Variants in LMAN2 observed in about 807,000 individuals in gnomAD.
The protein encoded by LMAN2 is lectin, mannose binding 2, also known as vesicular integral-membrane protein VIP36.
Under a neutral mutation model 39.3 loss-of-function variants are expected in LMAN2, and 22 were observed. The ratio of observed to expected loss-of-function variants is 0.56; its 90% confidence interval spans 0.40 to 0.80. The LOEUF (loss-of-function observed/expected upper bound fraction) is 0.80. Among genes scored for constraint, LMAN2 ranks in the 30% least tolerant of loss-of-function variants. LMAN2 has a pLI of 0.00. For synonymous variants in LMAN2, 207 were observed against 207.8 expected (o/e 1.00, Z 0.03); for missense variants, 494 against 505.4 (o/e 0.98, Z 0.22).
chr5:177,348,453 G>A (rs748798426), intron 2 of LMAN2, among the ~76,000 whole-genome samples: 4 of 152,068 alleles, frequency 2.6e-5, no homozygotes, highest in Non-Finnish European at 4.4e-5. Flanking sequence ...TTGGGAGGCC[G>A]AGGTGGGCAG....
intron 2 of LMAN2, among the ~76,000 whole-genome samples, chr5:177,341,545 C>T (rs1413237568): frequency 6.6e-6 from 1 of 152,162 alleles, no homozygotes; most frequent in Non-Finnish European, 1.5e-5. Context: ...ATTCTATACT[C>T]AGCAAATGTA....
intron 2 of LMAN2, among the ~76,000 whole-genome samples, chr5:177,346,962 C>A (rs1347717357): frequency 6.6e-6 from 1 of 152,064 alleles, no homozygotes; most frequent in Admixed American, 6.6e-5. Context: ...AAAGAACCTA[C>A]GTGGCACACT....
intron 2 of LMAN2, chr5:177,346,369 A>T: frequency 1.4e-6 from 1 of 727,488 alleles, no homozygotes; most frequent in Non-Finnish European, 1.9e-6. Flanking sequence ...TAAGCAGATT[A>T]CTTCCATCAG....
At chr5:177,336,264 C>T (rs900809683) in intron 6 of LMAN2, among the ~76,000 whole-genome samples, 1 of 152,120 alleles carries the variant, frequency 6.6e-6, no homozygotes. Flanking sequence ...AGGGCACAGG[C>T]GCATCCAGGC....
chr5:177,333,251 G>C (rs936692251), intron 7 of LMAN2, among the ~76,000 whole-genome samples: 4 of 152,206 alleles, frequency 2.6e-5, no homozygotes, highest in African/African-American at 9.6e-5. Context: ...CCAGGGGCAG[G>C]GCCTGCCTGA....
rs139626347 is a variant in LMAN2, at chr5:177,332,212, G to A, written c.945C>T (p.Ser315=). Residue 315 remains serine, a synonymous_variant, in exon 8 of 8, where the codon AGC becomes AGT. Coordinates refer to ENST00000303127, the MANE Select transcript of LMAN2 (RefSeq NM_006816.3). The surrounding 1 kb of genome is among the most constrained non-coding windows in gnomAD (Gnocchi z 6.3). ...NVDDPTGNFR[S]GPLTGWRVFL... ...ACACCCGCCACCCCGTCAGGGGCCCGCTGCGGAAGTTCCCCGTGGGGTCGT... is the reference window on the plus strand; with the variant it reads ...ACACCCGCCACCCCGTCAGGGGCCCACTGCGGAAGTTCCCCGTGGGGTCGT... 5.6e-4 allele frequency: 897 copies of A among 1,613,174 alleles called. 9 individuals carry two copies. In the African/African-American group the frequency reaches 0.011, roughly 20 times the overall value.
At chr5:177,347,402 G>A (rs4532376) in intron 2 of LMAN2, among the ~76,000 whole-genome samples, 51,908 of 152,006 alleles carry the variant, frequency 0.34, 9,375 homozygotes, top group African/African-American at 0.44. Flanking sequence ...CGCAGGCCTT[G>A]GAAAGTCTTC....
intron 2 of LMAN2, among the ~76,000 whole-genome samples, chr5:177,343,235 CA>C (rs1360919921): frequency 6.6e-6 from 1 of 152,088 alleles, no homozygotes; most frequent in African/African-American, 2.4e-5. Flanking sequence ...AGCCTGGCGA[CA>C]GGGCGAGACT....
At chr5:177,342,865 A>T (rs1436286934) in intron 2 of LMAN2, among the ~76,000 whole-genome samples, 8 of 152,202 alleles carry the variant, frequency 5.3e-5, no homozygotes, top group Non-Finnish European at 8.8e-5. Flanking sequence ...TGTACATCAA[A>T]GAGCATGATC....
chr5:177,340,061 T>C (rs1761528886), intron 2 of LMAN2, among the ~76,000 whole-genome samples: 1 of 151,942 alleles, frequency 6.6e-6, no homozygotes, highest in South Asian at 2.1e-4. Context: ...ATGTGAGAAA[T>C]GAAGGCAAAG....
At chr5:177,341,614 G>A (rs1233063240) in intron 2 of LMAN2, among the ~76,000 whole-genome samples, 1 of 152,142 alleles carries the variant, frequency 6.6e-6, no homozygotes, top group Non-Finnish European at 1.5e-5. Flanking sequence ...AAAACCAAAA[G>A]AATTCATTAG....
At chr5:177,350,445 T>A in intron 2 of LMAN2, among the ~76,000 whole-genome samples, 1 of 152,110 alleles carries the variant, frequency 6.6e-6, no homozygotes, top group East Asian at 1.9e-4. Context: ...TGGCCACTGC[T>A]CACATACTAC....
At chr5:177,347,679 A>G (rs1761655396) in intron 2 of LMAN2, among the ~76,000 whole-genome samples, 2 of 152,216 alleles carry the variant, frequency 1.3e-5, no homozygotes. Context: ...AGCAGTTTCC[A>G]CATCTCTGCT....
chr5:177,345,646 G>A (rs540019459), intron 2 of LMAN2, among the ~76,000 whole-genome samples: 45 of 152,256 alleles, frequency 3.0e-4, no homozygotes, highest in African/African-American at 9.6e-4. Context: ...CTGCAGAGCT[G>A]TGGTCTGCCC....
chr5:177,344,182 C>T (rs1222310109), intron 2 of LMAN2, among the ~76,000 whole-genome samples: 1 of 150,898 alleles, frequency 6.6e-6, no homozygotes, highest in Admixed American at 6.6e-5. Context: ...TGCACCACTG[C>T]ACTCCAGCCT....
chr5:177,349,559 A>G (rs1761691554), intron 2 of LMAN2, among the ~76,000 whole-genome samples: 1 of 152,240 alleles, frequency 6.6e-6, no homozygotes, highest in South Asian at 2.1e-4. Context: ...GAAGCCTCTC[A>G]GTCCTGTGAC....
chr5:177,334,416 G>T lies in LMAN2; in HGVS notation c.791-13C>A. 6.2e-7 allele frequency: 1 copy of T among 1,609,904 alleles called. No individual in the cohort carries two copies. On this transcript the variant is annotated splice_polypyrimidine_tract_variant and intron_variant, in intron 6 of 7. Transcript: ENST00000303127. Reference sequence around the variant, plus strand: ...ATGTCATGATTGTCTGCAGGACCAAGAATAAACCTGTGACAGCCTACAGGC... The same window carrying T: ...ATGTCATGATTGTCTGCAGGACCAATAATAAACCTGTGACAGCCTACAGGC...
intron 2 of LMAN2, among the ~76,000 whole-genome samples, chr5:177,339,893 GACTC>G (rs1323754488): frequency 6.6e-6 from 1 of 152,164 alleles, no homozygotes; most frequent in Non-Finnish European, 1.5e-5. Flanking sequence ...TGATGCCACA[GACTC>G]ACTGCTCCCA....
intron 2 of LMAN2, among the ~76,000 whole-genome samples, chr5:177,345,339 T>TTAA (rs1199137170): frequency 5.7e-5 from 3 of 52,390 alleles, no homozygotes. Flanking sequence ...AGACCCTGTC[T>TTAA]AAAAAAAAAA....
Sources: gnomAD v4.1 joint callset for allele counts (sites outside exome capture counted in the v4.1 genomes callset) on GRCh38, gnomAD v4.1.1 for gene constraint, Gnocchi (gnomAD v3.1) non-coding constraint, MANE v1.5 for transcripts, NCBI Gene and HGNC (gene_info 2026-07-23, HGNC 2026-07-21) for gene names.